The following ASCC3 variants were observed in gnomAD, a reference collection of about 807,000 sequenced individuals.
ASCC3 encodes ASC-1 complex subunit P200.
A neutral mutation model predicts 256.3 loss-of-function variants in ASCC3; 158 were observed. That is an observed-to-expected ratio of 0.62 (90% CI 0.54 to 0.70). The LOEUF (loss-of-function observed/expected upper bound fraction) is 0.70. Among genes scored for constraint, ASCC3 ranks in the 30% least tolerant of loss-of-function variants. ASCC3 has a pLI of 0.00. For missense variants in ASCC3, 2,259 were observed against 2,626.0 expected (o/e 0.86, Z 3.05); for synonymous variants, 948 against 883.4 (o/e 1.07, Z -1.30).
chr6:100,746,687 T>C (rs9322169), intron 10 of ASCC3, among the ~76,000 whole-genome samples: 143,096 of 152,194 alleles, frequency 0.94, 67,592 homozygotes, highest in South Asian at 0.99. Flanking sequence ...TATCAAAAAT[T>C]AGTGAAAACC....
At chr6:100,650,822 T>C in intron 19 of ASCC3, 108 bp from the exon 20 acceptor site, 2 of 894,528 alleles carry the variant, frequency 2.2e-6, no homozygotes, top group South Asian at 1.5e-5. Context: ...TTTACTATAA[T>C]GCAGCATTTT....
chr6:100,763,492 C>T (rs1246848853), intron 10 of ASCC3, among the ~76,000 whole-genome samples: 1 of 152,078 alleles, frequency 6.6e-6, no homozygotes, highest in Non-Finnish European at 1.5e-5. Flanking sequence ...GAAAAGTTAA[C>T]AGGGAAAGGC....
chr6:100,627,334 A>C (rs1774291207), intron 29 of ASCC3, among the ~76,000 whole-genome samples: 1 of 152,164 alleles, frequency 6.6e-6, no homozygotes, highest in Non-Finnish European at 1.5e-5. Flanking sequence ...ATTAATATTA[A>C]GAAAACTCTG....
intron 36 of ASCC3, among the ~76,000 whole-genome samples, chr6:100,588,298 G>A (rs1468144857): frequency 6.6e-6 from 1 of 152,032 alleles, no homozygotes; most frequent in Non-Finnish European, 1.5e-5. Context: ...AGAAAAGTAT[G>A]GTTAAATGTG....
chr6:100,629,965 T>A (rs981168657), intron 26 of ASCC3, among the ~76,000 whole-genome samples: 2 of 152,100 alleles, frequency 1.3e-5, no homozygotes, highest in African/African-American at 2.4e-5. Flanking sequence ...TGGCTTGATC[T>A]CAGCTCACTG....
chr6:100,520,320 T>C (rs1381519122), intron 37 of ASCC3, among the ~76,000 whole-genome samples: 1 of 152,080 alleles, frequency 6.6e-6, no homozygotes, highest in East Asian at 1.9e-4. Flanking sequence ...GTCTGGTCCT[T>C]GCTTTTCACT....
chr6:100,621,762 C>T (rs956589152), intron 30 of ASCC3, among the ~76,000 whole-genome samples: 15 of 152,198 alleles, frequency 9.9e-5, no homozygotes, highest in East Asian at 1.9e-4. Context: ...GAATAGAAAT[C>T]GTTCTATTAT....
intron 3 of ASCC3, among the ~76,000 whole-genome samples, chr6:100,851,605 C>T (rs1772671838): frequency 6.6e-6 from 1 of 152,092 alleles, no homozygotes; most frequent in African/African-American, 2.4e-5. Context: ...TTTCAAAAAT[C>T]ACAAATACTT....
chr6:100,769,264 A>C (rs1196115728), intron 8 of ASCC3, among the ~76,000 whole-genome samples: 1 of 152,048 alleles, frequency 6.6e-6, no homozygotes, highest in Non-Finnish European at 1.5e-5. Context: ...AATGAGTTCA[A>C]AGTTATAGTT....
intron 1 of ASCC3, among the ~76,000 whole-genome samples, chr6:100,874,157 T>A (rs182385292): frequency 6.6e-6 from 1 of 152,240 alleles, no homozygotes; most frequent in Admixed American, 6.5e-5. Flanking sequence ...TAATGAAGTT[T>A]ACAGTTCTTC....
Position 100,731,132 on chromosome 6 carries a change from T to C in ASCC3, c.1738-5429A>G, listed in dbSNP as rs77719152. Among the ~76,000 whole-genome samples the C allele has an allele frequency of 2.6e-5, 4 of 152,202 alleles. No individual in the cohort carries two copies. In the East Asian group the frequency reaches 7.7e-4, roughly 29 times the overall value. On this transcript the variant is annotated intron_variant, in intron 10 of 41. Transcript: ENST00000369162. ...TGACATTTACAAAAAAAAAGGATAA[T>C]TCAAGAAGAAATTCTAAAGCTTTTG...
chr6:100,760,725 C>T lies in ASCC3; in HGVS notation c.1737+5840G>A, dbSNP rs140984120. Among the ~76,000 whole-genome samples the T allele has an allele frequency of 9.9e-5, 15 of 152,198 alleles. No individual in the cohort carries two copies. In the East Asian group the frequency reaches 2.9e-3, roughly 29 times the overall value. On this transcript the variant is annotated intron_variant, in intron 10 of 41. Coordinates refer to ENST00000369162, the MANE Select transcript of ASCC3 (RefSeq NM_006828.4). Reference sequence around the variant, plus strand: ...GAAGAGCTCAACCACAGAATGTAGACAGCAAAATAAAGAATCAGTGGCGTC... The same window carrying T: ...GAAGAGCTCAACCACAGAATGTAGATAGCAAAATAAAGAATCAGTGGCGTC...
At chr6:100,608,423 T>C (rs1483784441) in intron 30 of ASCC3, among the ~76,000 whole-genome samples, 2 of 67,990 alleles carry the variant, frequency 2.9e-5, no homozygotes, top group African/African-American at 7.4e-5. Flanking sequence ...CTTATATATA[T>C]TTTATATATA....
intron 1 of ASCC3, among the ~76,000 whole-genome samples, chr6:100,878,166 G>C (rs1257622908): frequency 6.6e-6 from 1 of 152,182 alleles, no homozygotes; most frequent in Non-Finnish European, 1.5e-5. Context: ...AATCAAGTTA[G>C]GAAACACATC....
At chr6:100,879,178 G>T (rs901132279) in intron 1 of ASCC3, among the ~76,000 whole-genome samples, 5 of 152,132 alleles carry the variant, frequency 3.3e-5, no homozygotes, top group African/African-American at 1.2e-4. Context: ...ATAAGGGAAG[G>T]GAATTTCCAT....
At chr6:100,630,807 T>C (rs1383814808) in intron 26 of ASCC3, among the ~76,000 whole-genome samples, 4 of 151,956 alleles carry the variant, frequency 2.6e-5, no homozygotes, top group Non-Finnish European at 4.4e-5. Flanking sequence ...ACGAAAAAAA[T>C]AGAGAGGCAG....
At chr6:100,845,031 G>A (rs1483336793) in intron 4 of ASCC3, among the ~76,000 whole-genome samples, 1 of 152,092 alleles carries the variant, frequency 6.6e-6, no homozygotes, top group Non-Finnish European at 1.5e-5. Flanking sequence ...AAAAGGAAAA[G>A]ATCTTGTTTC....
At chr6:100,655,162 G>T (rs239232) in intron 17 of ASCC3, among the ~76,000 whole-genome samples, 1 of 151,580 alleles carries the variant, frequency 6.6e-6, no homozygotes, top group Non-Finnish European at 1.5e-5. Context: ...ACACAATTGT[G>T]AAGTTCATAG....
intron 30 of ASCC3, among the ~76,000 whole-genome samples, chr6:100,608,063 T>TATATATACATATATATGTATATATCG (rs1554200711): frequency 0.053 from 5,454 of 102,262 alleles, 399 homozygotes; most frequent in African/African-American, 0.11. Flanking sequence ...TATATACACA[T>TATATATACATATATATGTATATATCG]ATATATACAT....
Sources: gnomAD v4.1 joint callset for allele counts (sites outside exome capture counted in the v4.1 genomes callset) on GRCh38, gnomAD v4.1.1 for gene constraint, MANE v1.5 for transcripts, NCBI Gene and HGNC (gene_info 2026-07-23, HGNC 2026-07-21) for gene names.